FAM120B: variants seen among roughly 807,000 people sequenced by gnomAD.
FAM120B encodes family with sequence similarity 120 member B, also known as constitutive coactivator of peroxisome proliferator-activated receptor gamma.
In FAM120B, 83 loss-of-function variants were observed where a neutral mutation model predicts 96.3. The observed-to-expected ratio is 0.86, with a 90% CI of 0.72 to 1.03. FAM120B has a LOEUF of 1.03. FAM120B is among the 50% of genes least tolerant of loss of function. The pLI, the probability that FAM120B is intolerant of heterozygous loss-of-function variation, is 0.00. For missense variants in FAM120B, 1,027 were observed against 1,121.2 expected (o/e 0.92, Z 1.20); for synonymous variants, 407 against 402.7 (o/e 1.01, Z -0.13).
At chr6:170,368,820 T>TTG (rs1491125603) in intron 6 of FAM120B, among the ~76,000 whole-genome samples, 2 of 139,924 alleles carry the variant, frequency 1.4e-5, no homozygotes, top group Non-Finnish European at 3.0e-5. Flanking sequence ...CTGCCGGGGC[T>TTG]GGGGGGGGGG....
At chr6:170,311,464 A>G (rs1181492966) in intron 1 of FAM120B, among the ~76,000 whole-genome samples, 2 of 152,236 alleles carry the variant, frequency 1.3e-5, no homozygotes, top group African/African-American at 4.8e-5. Flanking sequence ...TTGAGCACCT[A>G]ATAATTTGAA....
intron 6 of FAM120B, among the ~76,000 whole-genome samples, chr6:170,385,758 C>T (rs1389832202): frequency 2.0e-5 from 3 of 152,152 alleles, no homozygotes; most frequent in Admixed American, 1.3e-4. Context: ...ATTAGATGAA[C>T]GAACTGTGGT....
rs535026544 is a variant in FAM120B, at chr6:170,405,458, A to G, written c.*707A>G. The G allele has an allele frequency of 3.3e-5, 5 of 152,370 alleles. No individual in the cohort carries two copies. The highest frequency in any genetic ancestry group is 1.2e-4 in the African/African-American group (5 of 41,596). The allele number at this position is 152,370 out of a possible 1,614,324, so 9.4% of individuals were successfully genotyped here. A position where few individuals can be genotyped will look rare whatever the true frequency, so the allele number is the denominator to read the frequency against. On this transcript the variant is annotated 3_prime_UTR_variant, in exon 11 of 11. Transcript: ENST00000476287. ...GGGGCTGATTCATGTCCTGGGCATG[A>G]CAGAGCGGGAGGCACAAGGTTTCAT...
At chr6:170,324,345 A>G (rs1785467400) in intron 3 of FAM120B, among the ~76,000 whole-genome samples, 1 of 152,214 alleles carries the variant, frequency 6.6e-6, no homozygotes, top group South Asian at 2.1e-4. Flanking sequence ...TCTGTGACCT[A>G]AGGAAGCAGA....
In FAM120B at chr6:170,394,389, G is replaced by A. The variant is rs535101702; in HGVS notation, c.2600-1098G>A. On this transcript the variant is annotated intron_variant, in intron 8 of 10. Coordinates refer to ENST00000476287, the MANE Select transcript of FAM120B (RefSeq NM_032448.3). ...CTGTATCTGGGCCCCAGACAAGGGG[G>A]TTGGTCCTGAGGGCAGCCCAGGAGC... Among the ~76,000 whole-genome samples the A allele has an allele frequency of 9.8e-5, 15 of 152,388 alleles. No homozygotes were observed. The South Asian group carries it at 3.1e-3, about 32-fold the overall frequency.
intron 6 of FAM120B, among the ~76,000 whole-genome samples, chr6:170,371,778 C>T (rs567852682): frequency 1.8e-4 from 27 of 152,270 alleles, no homozygotes; most frequent in African/African-American, 5.8e-4. Flanking sequence ...CCATTCGTTC[C>T]GAGACAGGAA....
intron 6 of FAM120B, among the ~76,000 whole-genome samples, chr6:170,377,297 T>A (rs35743243): frequency 1.2e-4 from 8 of 65,414 alleles, no homozygotes; most frequent in African/African-American, 3.0e-4. Context: ...GCGTCCCTAA[T>A]CCCAGATGCC....
chr6:170,403,589 A>G (rs377280276), intron 9 of FAM120B, among the ~76,000 whole-genome samples: 5 of 152,274 alleles, frequency 3.3e-5, no homozygotes, highest in African/African-American at 1.2e-4. Context: ...TCCACTTCAA[A>G]GGCCTCAGAG....
chr6:170,302,332 G>A (rs571931063), upstream of FAM120B, among the ~76,000 whole-genome samples: 17 of 152,212 alleles, frequency 1.1e-4, no homozygotes, highest in African/African-American at 3.1e-4. Flanking sequence ...GGAGGTAACC[G>A]CCCCCATGAT....
rs201525416 is a variant in FAM120B, at chr6:170,340,388, CTGTA to C, written c.2018-7762_2018-7759del. On this transcript the variant is annotated intron_variant, in intron 4 of 10. Transcript: ENST00000476287. Reference sequence around the variant, plus strand: ...AACTGGTTATTCCAGTTAGCAGTTCCTGTAAGTGTTTATCAAGGTTCTTAGCTTC... The same window carrying C: ...AACTGGTTATTCCAGTTAGCAGTTCCAGTGTTTATCAAGGTTCTTAGCTTC... Among the ~76,000 whole-genome samples the C allele has an allele frequency of 8.8e-3, 1,341 of 152,222 alleles. 63 individuals are homozygous for C. In the East Asian group the frequency reaches 0.1, roughly 12 times the overall value.
At chr6:170,352,898 G>C (rs538455340) in intron 5 of FAM120B, among the ~76,000 whole-genome samples, 1 of 152,010 alleles carries the variant, frequency 6.6e-6, no homozygotes, top group Admixed American at 6.5e-5. Context: ...GAGCTGAACT[G>C]AAGGAGATAG....
rs201236412 is a variant in FAM120B, at chr6:170,388,508, A to C, written c.2490+15A>C. On this transcript the variant is annotated intron_variant, in intron 7 of 10. Transcript: ENST00000476287. The stretch of plus-strand genomic sequence containing the variant: ...TAGAACAAAATGTGAGTTCACAGAC[A>C]CCTACCTTTCACCAGAAACATCCCT... 1.1e-4 allele frequency: 179 copies of C among 1,608,058 alleles called. No individual in the cohort carries two copies. The highest frequency in any genetic ancestry group is 1.1e-4 in the Non-Finnish European group (133 of 1,174,586).
At chr6:170,312,518 CA>C (rs1784649091) in intron 1 of FAM120B, among the ~76,000 whole-genome samples, 2 of 152,126 alleles carry the variant, frequency 1.3e-5, no homozygotes, top group South Asian at 4.1e-4. Context: ...TGGACTGTTG[CA>C]TTTTATTCTG....
intron 1 of FAM120B, among the ~76,000 whole-genome samples, chr6:170,312,236 A>G (rs1033472738): frequency 6.6e-6 from 1 of 152,204 alleles, no homozygotes; most frequent in African/African-American, 2.4e-5. Flanking sequence ...TTTTCTGCAA[A>G]TGGTTCGTTT....
chr6:170,365,592 C>T lies in FAM120B; in HGVS notation c.2283+7274C>T, dbSNP rs1038447458. ...CCCAGGAAAAAAGCCCAGATGTTTTCTGTTCGTGAACTAGATGTGTCCTCC... is the reference window on the plus strand; with the variant it reads ...CCCAGGAAAAAAGCCCAGATGTTTTTTGTTCGTGAACTAGATGTGTCCTCC... On this transcript the variant is annotated intron_variant, in intron 6 of 10. Transcript: ENST00000476287. 3.3e-5 allele frequency among the ~76,000 whole-genome samples: 5 copies of T among 152,248 alleles called. No homozygotes were observed. The East Asian group carries it at 5.8e-4, about 18-fold the overall frequency.
intron 4 of FAM120B, among the ~76,000 whole-genome samples, chr6:170,336,933 G>A (rs1786469132): frequency 6.6e-6 from 1 of 152,138 alleles, no homozygotes; most frequent in Non-Finnish European, 1.5e-5. Flanking sequence ...GAGTTTTTGG[G>A]CTGAGACAAT....
chr6:170,323,393 A>G (rs905091661), intron 3 of FAM120B, 134 bp downstream of exon 3: 9 of 695,210 alleles, frequency 1.3e-5, no homozygotes, highest in African/African-American at 9.1e-5. Context: ...TGTCAAATCT[A>G]TAATTGAGAA....
At chr6:170,299,760 C>G (rs1254905706) in intron 1 of FAM120B, among the ~76,000 whole-genome samples, 3 of 152,232 alleles carry the variant, frequency 2.0e-5, no homozygotes, top group African/African-American at 7.2e-5. Context: ...AAGATTCTCT[C>G]TCTTATAATC....
At chr6:170,359,413 C>G (rs113402159) in intron 6 of FAM120B, among the ~76,000 whole-genome samples, 6,282 of 151,580 alleles carry the variant, frequency 0.041, 187 homozygotes, top group Middle Eastern at 0.099. Context: ...AAAAAATCAC[C>G]TCACAACTTA....
Sources: gnomAD v4.1 joint callset for allele counts (sites outside exome capture counted in the v4.1 genomes callset) on GRCh38, gnomAD v4.1.1 for gene constraint, MANE v1.5 for transcripts, NCBI Gene and HGNC (gene_info 2026-07-23, HGNC 2026-07-21) for gene names.